SNX29: variants seen among roughly 807,000 people sequenced by gnomAD.
The protein encoded by SNX29 is sorting nexin-29.
Under a neutral mutation model 102.1 loss-of-function variants are expected in SNX29, and 78 were observed. The observed-to-expected ratio is 0.76, with a 90% CI of 0.64 to 0.92. The LOEUF is 0.92. SNX29 is among the 40% of genes least tolerant of loss of function. The pLI is 0.00. For synonymous variants in SNX29, 580 were observed against 414.5 expected, an observed-to-expected ratio of 1.40 and a Z score of -4.85; for missense variants, 1,280 against 1,061.7, an observed-to-expected ratio of 1.21 and a Z score of -2.86.
chr16:12,336,359 TAAC>T (rs1372371324), intron 15 of SNX29, among the ~76,000 whole-genome samples: 2 of 152,248 alleles, frequency 1.3e-5, no homozygotes, highest in Non-Finnish European at 2.9e-5. Context: ...GGCAAGAATT[TAAC>T]AACAAATCTT....
chr16:12,404,387 C>T (rs761790951), intron 18 of SNX29, among the ~76,000 whole-genome samples: 2 of 152,086 alleles, frequency 1.3e-5, no homozygotes, highest in Non-Finnish European at 2.9e-5. Context: ...GCCCACAGCT[C>T]GTCTGCATGT....
intron 13 of SNX29, among the ~76,000 whole-genome samples, chr16:12,181,044 T>C (rs1178201156): frequency 2.0e-5 from 3 of 152,204 alleles, no homozygotes; most frequent in African/African-American, 7.2e-5. Context: ...AAGGGAGTCC[T>C]GACAGTACAG....
At chr16:12,033,985 C>G (rs961393417) in intron 4 of SNX29, among the ~76,000 whole-genome samples, 1 of 152,124 alleles carries the variant, frequency 6.6e-6, no homozygotes, top group Admixed American at 6.6e-5. Context: ...AAGACCCTGA[C>G]TTCAGAACAT....
chr16:12,094,631 C>T (rs971486781), intron 11 of SNX29, among the ~76,000 whole-genome samples: 2 of 152,128 alleles, frequency 1.3e-5, no homozygotes, highest in Non-Finnish European at 2.9e-5. Context: ...GACATTTAGC[C>T]ATGTCTGGGA....
At chr16:12,364,161 TTGTTA>T (rs56227162) in intron 16 of SNX29, among the ~76,000 whole-genome samples, 31,872 of 138,270 alleles carry the variant, frequency 0.23, 4,098 homozygotes, top group Middle Eastern at 0.32. Flanking sequence ...CCTGGCTTGT[TTGTTA>T]TGTTATGTTA....
chr16:12,540,155 TA>T (rs2077264255), intron 20 of SNX29, among the ~76,000 whole-genome samples: 1 of 152,220 alleles, frequency 6.6e-6, no homozygotes, highest in Admixed American at 6.5e-5. Context: ...CTTTACATTT[TA>T]GATCTGCGAT....
chr16:12,388,498 A>G (rs542609833), intron 16 of SNX29, among the ~76,000 whole-genome samples: 1 of 152,358 alleles, frequency 6.6e-6, no homozygotes, highest in South Asian at 2.1e-4. Context: ...GAAATTACAA[A>G]TGATTTTTCT....
intron 15 of SNX29, among the ~76,000 whole-genome samples, chr16:12,345,215 G>A (rs758996108): frequency 4.6e-5 from 7 of 152,216 alleles, no homozygotes; most frequent in East Asian, 1.9e-4. Flanking sequence ...CTGCAGAAGT[G>A]CATGCTACAC....
intron 13 of SNX29, among the ~76,000 whole-genome samples, chr16:12,173,119 G>A (rs150274811): frequency 4.4e-4 from 67 of 152,284 alleles, no homozygotes; most frequent in African/African-American, 1.3e-3. Flanking sequence ...GTCAATTGGC[G>A]CCGGTAAGTT....
At chr16:12,408,714 A>G (rs558034455) in intron 18 of SNX29, among the ~76,000 whole-genome samples, 2 of 152,184 alleles carry the variant, frequency 1.3e-5, no homozygotes, top group South Asian at 4.1e-4. Flanking sequence ...CAGCCACTCG[A>G]GAGGCTGAGG....
At chr16:12,500,948 C>G (rs952868590) in intron 19 of SNX29, among the ~76,000 whole-genome samples, 1 of 152,176 alleles carries the variant, frequency 6.6e-6, no homozygotes, top group Non-Finnish European at 1.5e-5. Context: ...TTGTCAGGCT[C>G]TGAGCCACGC....
chr16:12,022,086 G>A (rs11648404), intron 3 of SNX29, among the ~76,000 whole-genome samples: 79,121 of 146,024 alleles, frequency 0.54, 22,307 homozygotes, highest in Non-Finnish European at 0.6. Flanking sequence ...AGCACCTGGG[G>A]GGAAGTTTTT....
At position 12,416,520 on chromosome 16, in the gene SNX29, A is replaced by G. The variant is rs150192656; in HGVS notation, c.2037+12991A>G. On this transcript the variant is annotated intron_variant, in intron 18 of 20. Transcript: ENST00000566228. Reference sequence around the variant, plus strand: ...ACAGATACATGTAGCAAAACACCACATCATGCCCCTGAGTTCGTTTGTTTT... The same window carrying G: ...ACAGATACATGTAGCAAAACACCACGTCATGCCCCTGAGTTCGTTTGTTTT... Among the ~76,000 whole-genome samples the G allele has an allele frequency of 3.6e-3, 555 of 152,328 alleles. 2 individuals are homozygous for G. Among genetic ancestry groups the G allele is most frequent in the African/African-American group, 0.013 (537 of 41,574 alleles).
chr16:12,566,593 G>C (rs369403211), intron 20 of SNX29, among the ~76,000 whole-genome samples: 17 of 152,302 alleles, frequency 1.1e-4, no homozygotes, highest in Admixed American at 9.1e-4. Flanking sequence ...AAGCCTTCCT[G>C]TATCTAAGAA....
At chr16:12,048,872 A>T (rs2050194377) in intron 7 of SNX29, among the ~76,000 whole-genome samples, 1 of 152,072 alleles carries the variant, frequency 6.6e-6, no homozygotes, top group Non-Finnish European at 1.5e-5. Context: ...AGTGTGAGAG[A>T]CACCGGGAGC....
intron 20 of SNX29, among the ~76,000 whole-genome samples, chr16:12,559,624 C>A (rs372234860): frequency 6.6e-6 from 1 of 152,130 alleles, no homozygotes; most frequent in Non-Finnish European, 1.5e-5. Flanking sequence ...TGACCTTGCA[C>A]ATGGCCCTGT....
In SNX29 at chr16:12,063,366, C is replaced by CTTTTTT. The variant is rs369015533; in HGVS notation, c.1243+1741_1243+1746dup. Among the ~76,000 whole-genome samples, 229 of 55,392 alleles carry CTTTTTT rather than the reference C, an allele frequency of 4.1e-3. 43 individuals are homozygous for CTTTTTT. The highest frequency in any genetic ancestry group is 0.011 in the South Asian group (12 of 1,046). The allele number at this position is 55,392 out of a possible 152,430, so 36.3% of individuals were successfully genotyped here. On this transcript the variant is annotated intron_variant, in intron 9 of 20. Coordinates refer to ENST00000566228, the MANE Select transcript of SNX29 (RefSeq NM_032167.5). The stretch of plus-strand genomic sequence containing the variant: ...CCCACCTCTTCTTTTCCTAGTCCAT[C>CTTTTTT]TTTTTTTTTTTTTTTTTTTTTTTTT...
chr16:12,110,372 C>G (rs1229318158), intron 11 of SNX29, among the ~76,000 whole-genome samples: 1 of 152,172 alleles, frequency 6.6e-6, no homozygotes, highest in East Asian at 1.9e-4. Flanking sequence ...AATTTTCTAG[C>G]TCTGAAGGTG....
At chr16:12,261,944 G>T (rs1384362656) in intron 14 of SNX29, among the ~76,000 whole-genome samples, 1 of 143,446 alleles carries the variant, frequency 7.0e-6, no homozygotes, top group Non-Finnish European at 1.5e-5. Context: ...AGGTCTGCAC[G>T]TGTCCCCGGC....
Sources: gnomAD v4.1 joint callset for allele counts (sites outside exome capture counted in the v4.1 genomes callset) on GRCh38, gnomAD v4.1.1 for gene constraint, MANE v1.5 for transcripts, NCBI Gene and HGNC (gene_info 2026-07-23, HGNC 2026-07-21) for gene names.